ANKRD30A: variants seen among roughly 807,000 people sequenced by gnomAD.
ANKRD30A encodes the protein ankyrin repeat domain-containing protein 30A.
ANKRD30A carries 170 observed loss-of-function variants against 166.3 expected under a neutral mutation model. The observed-to-expected ratio is 1.02, with a 90% CI of 0.90 to 1.16. The LOEUF is 1.16. Ranked by LOEUF, ANKRD30A falls within the 50% of genes most tolerant of loss-of-function variation. ANKRD30A has a pLI of 0.00. For synonymous variants in ANKRD30A, 564 were observed against 508.9 expected (o/e 1.11, Z -1.46); for missense variants, 1,630 against 1,518.0 (o/e 1.07, Z -1.23).
At chr10:37,171,403 T>C (rs926037294) in intron 21 of ANKRD30A, among the ~76,000 whole-genome samples, 1 of 148,624 alleles carries the variant, frequency 6.7e-6, no homozygotes, top group African/African-American at 2.5e-5. Flanking sequence ...ATTGGAAAAG[T>C]CCTACTTTCC....
intron 24 of ANKRD30A, chr10:37,178,370 C>T (rs1404644573): frequency 2.8e-6 from 1 of 361,066 alleles, no homozygotes; most frequent in African/African-American, 2.2e-5. Context: ...CCGTATAGAC[C>T]AGAGGTTTTC....
the ANKRD30A span, among the ~76,000 whole-genome samples, chr10:37,242,731 C>A: frequency 6.6e-6 from 1 of 152,148 alleles, no homozygotes; most frequent in African/African-American, 2.4e-5. Flanking sequence ...GAGAAATCAC[C>A]TTTTACTGTA....
chr10:37,250,500 C>A, the ANKRD30A span, among the ~76,000 whole-genome samples: 1 of 152,074 alleles, frequency 6.6e-6, no homozygotes, highest in East Asian at 1.9e-4. Flanking sequence ...TCATCCTGGC[C>A]AGTAAATATG....
chr10:37,133,964 C>T lies in ANKRD30A; in HGVS notation c.666C>T (p.Gly222=), dbSNP rs766842507. The part of the protein sequence containing the change: ...AVCHGSSEIV[G]MLLQQNVDVF... ...GTCATGGATCATCAGAGATAGTTGG[C>T]ATGCTTCTTCAGCAAAATGTTGACG... The change falls in exon 5 of 36, where the codon GGC becomes GGT. Residue 222 remains glycine, a synonymous_variant. Transcript: ENST00000361713. The T allele has an allele frequency of 1.9e-6, 3 of 1,614,078 alleles. No individual in the cohort carries two copies. The South Asian group carries it at 3.3e-5, about 18-fold the overall frequency.
chr10:37,147,939 C>T (rs1837624974), intron 9 of ANKRD30A, among the ~76,000 whole-genome samples: 1 of 152,180 alleles, frequency 6.6e-6, no homozygotes, highest in African/African-American at 2.4e-5. Context: ...GTCTTTCTCA[C>T]TACTGGGAAG....
At chr10:37,152,026 T>G (rs17605918) in intron 11 of ANKRD30A, 34 bp from the exon 12 acceptor site, 3 of 1,546,494 alleles carry the variant, frequency 1.9e-6, no homozygotes, top group East Asian at 4.5e-5. Flanking sequence ...AGAGAAATGT[T>G]GTCATGAATG....
chr10:37,193,368 A>C, intron 27 of ANKRD30A, 110 bp downstream of exon 27: 1 of 1,296,942 alleles, frequency 7.7e-7, no homozygotes. Flanking sequence ...TTTGATGGGA[A>C]ATTTCGATAC....
intron 15 of ANKRD30A, among the ~76,000 whole-genome samples, chr10:37,161,404 G>C (rs190420067): frequency 6.5e-4 from 99 of 152,226 alleles, no homozygotes; most frequent in Non-Finnish European, 1.3e-3. Flanking sequence ...ATTTGAAACA[G>C]TGTTGTATGG....
In ANKRD30A at chr10:37,193,702, T is replaced by C. The variant is rs181572350; in HGVS notation, c.2614+444T>C. ...ATCAGTTTTTTTTTTATTAGATGAC[T>C]GTGTGTTTGTGTGACTTATAATTTT... On this transcript the variant is annotated intron_variant, in intron 27 of 35. Transcript: ENST00000361713. Among the ~76,000 whole-genome samples the C allele has an allele frequency of 3.9e-5, 6 of 152,178 alleles. No individual in the cohort carries two copies. The East Asian group carries it at 1.2e-3, about 29-fold the overall frequency.
chr10:37,260,139 AAAAAAAGAGAGAGAAAACT>A, the ANKRD30A span, among the ~76,000 whole-genome samples: 1 of 151,726 alleles, frequency 6.6e-6, no homozygotes, highest in Non-Finnish European at 1.5e-5. Flanking sequence ...AAAGGACAAA[AAAAAAAGAGAGAGAAAACT>A]AAAAAAGAAA....
intron 29 of ANKRD30A, 92 bp downstream of exon 29, chr10:37,197,572 C>A (rs1841241610): frequency 6.3e-7 from 1 of 1,579,690 alleles, no homozygotes; most frequent in Admixed American, 1.7e-5. Flanking sequence ...TTTTTTTCAA[C>A]TTTGATGATA....
intron 21 of ANKRD30A, among the ~76,000 whole-genome samples, chr10:37,171,367 A>C (rs1839549427): frequency 6.8e-6 from 1 of 147,616 alleles, no homozygotes; most frequent in Non-Finnish European, 1.5e-5. Context: ...GTTAGAAATT[A>C]AAATGAAAAT....
rs1277054725 is a variant in ANKRD30A, at chr10:37,141,699, C to T, written c.821-19C>T. The T allele has an allele frequency of 1.2e-6, 2 of 1,610,402 alleles. No individual in the cohort carries two copies. The highest frequency in any genetic ancestry group is 1.7e-6 in the Non-Finnish European group (2 of 1,179,478). ...ATATTTAGTAGAAGGAAAATTTAACCAGATTGTGTGTTTGGCAGAAGGAAC... is the reference window on the plus strand; with the variant it reads ...ATATTTAGTAGAAGGAAAATTTAACTAGATTGTGTGTTTGGCAGAAGGAAC... On this transcript the variant is annotated intron_variant, in intron 6 of 35. Transcript: ENST00000361713.
At chr10:37,156,478 C>A (rs1838392503) in intron 13 of ANKRD30A, among the ~76,000 whole-genome samples, 1 of 152,156 alleles carries the variant, frequency 6.6e-6, no homozygotes, top group South Asian at 2.1e-4. Context: ...GAGTTTTCAA[C>A]CTTACATAGG....
chr10:37,265,021 T>C, the ANKRD30A span, among the ~76,000 whole-genome samples: 1 of 152,196 alleles, frequency 6.6e-6, no homozygotes, highest in East Asian at 1.9e-4. Flanking sequence ...GTTACAGTTT[T>C]GATGTTGTAC....
At chr10:37,191,630 T>C (rs1374591138) in intron 25 of ANKRD30A, among the ~76,000 whole-genome samples, 1 of 152,004 alleles carries the variant, frequency 6.6e-6, no homozygotes, top group Non-Finnish European at 1.5e-5. Context: ...ATATAAATGG[T>C]TGTACAATGT....
At chr10:37,161,473 T>A (rs1255308437) in intron 15 of ANKRD30A, among the ~76,000 whole-genome samples, 12 of 152,146 alleles carry the variant, frequency 7.9e-5, no homozygotes, top group Non-Finnish European at 1.6e-4. Flanking sequence ...TTTTATTTAT[T>A]TATTTTTTTA....
At chr10:37,263,530 A>C in the ANKRD30A span, among the ~76,000 whole-genome samples, 1 of 151,186 alleles carries the variant, frequency 6.6e-6, no homozygotes, top group African/African-American at 2.4e-5. Context: ...ACAGTGAGAG[A>C]TCATCAGGCA....
At chr10:37,160,427 A>G (rs1476388663) in intron 15 of ANKRD30A, among the ~76,000 whole-genome samples, 1 of 152,186 alleles carries the variant, frequency 6.6e-6, no homozygotes, top group East Asian at 1.9e-4. Flanking sequence ...GAGAAATAGG[A>G]AAAACATTAT....
Sources: allele counts gnomAD v4.1 joint callset (sites outside exome capture counted in the v4.1 genomes callset), GRCh38; gene constraint gnomAD v4.1.1; transcripts MANE v1.5; gene names NCBI Gene and HGNC (gene_info 2026-07-23, HGNC 2026-07-21).